Variants in SETX observed in about 807,000 individuals in gnomAD.
The protein encoded by SETX is senataxin.
A neutral mutation model predicts 227.2 loss-of-function variants in SETX; 90 were observed. The ratio of observed to expected loss-of-function variants is 0.40; its 90% CI spans 0.33 to 0.47. The LOEUF (loss-of-function observed/expected upper bound fraction) is 0.47. Among genes scored for constraint, SETX ranks in the 20% least tolerant of loss-of-function variants. The pLI is 0.91. For synonymous variants in SETX, 1,210 were observed against 1,113.2 expected (o/e 1.09, Z -1.73); for missense variants, 3,052 against 3,181.5 (o/e 0.96, Z 0.98).
At chr9:132,350,903 G>T (rs561458609) in intron 2 of SETX, among the ~76,000 whole-genome samples, 2 of 151,968 alleles carry the variant, frequency 1.3e-5, no homozygotes, top group African/African-American at 4.8e-5. Flanking sequence ...TCATCGACGT[G>T]GGGGGGAAAA....
At chr9:132,297,165 C>A in intron 13 of SETX, 111 bp from the exon 14 acceptor site, 1 of 904,328 alleles carries the variant, frequency 1.1e-6, no homozygotes. Flanking sequence ...GAGACAAAAG[C>A]TTTGGTTATG....
intron 23 of SETX, among the ~76,000 whole-genome samples, chr9:132,274,033 G>A (rs1843027998): frequency 1.3e-5 from 2 of 149,724 alleles, no homozygotes; most frequent in Non-Finnish European, 3.0e-5. Flanking sequence ...TGTATCTACT[G>A]AGCTGATTAT....
rs976544035 is a variant in SETX at position 132,269,565 on chromosome 9, A to G, written c.7287+50T>C. 1.9e-6 allele frequency: 3 copies of G among 1,611,460 alleles called. 1 individual carries two copies. The highest frequency in any genetic ancestry group is 1.7e-4 in the Middle Eastern group (1 of 6,052). On this transcript the variant is annotated intron_variant, in intron 25 of 25. Coordinates refer to ENST00000224140, the MANE Select transcript of SETX (RefSeq NM_015046.7). ...TGATGGAAAATAAGAACAAAAACTC[A>G]ATCCAACAACAGTAACAATGGGTAA...
intron 20 of SETX, among the ~76,000 whole-genome samples, chr9:132,279,794 T>A (rs1843394925): frequency 6.6e-6 from 1 of 152,148 alleles, no homozygotes; most frequent in Non-Finnish European, 1.5e-5. Flanking sequence ...AAAACCTTAG[T>A]CCATTCTACA....
rs373075043 is a variant in SETX at position 132,331,281 on chromosome 9, C to T, written c.1006G>A (p.Val336Ile). ...CCTGACATTAGCTGAACTAACCTTA[C>T]AGAGCTGTTCCGTATATGTCGGATC... ...REIRHIRNSS[V>I]RTKLEPESYL... Residue 336 changes from valine to isoleucine, a missense_variant, in exon 8 of 26, where the codon GTA becomes ATA. Coordinates refer to ENST00000224140, the MANE Select transcript of SETX (RefSeq NM_015046.7). 7 of 1,613,940 alleles carry T rather than the reference C, an allele frequency of 4.3e-6. No homozygotes were observed. The highest frequency in any genetic ancestry group is 5.1e-6 in the Non-Finnish European group (6 of 1,179,990).
At chr9:132,267,520 G>A (rs538043455) in intron 25 of SETX, among the ~76,000 whole-genome samples, 4 of 152,198 alleles carry the variant, frequency 2.6e-5, no homozygotes, top group Non-Finnish European at 5.9e-5. Flanking sequence ...AGGGGAACTA[G>A]GCTAAAAACT....
At chr9:132,303,932 C>A (rs1296125515) in intron 11 of SETX, among the ~76,000 whole-genome samples, 1 of 152,012 alleles carries the variant, frequency 6.6e-6, no homozygotes, top group Non-Finnish European at 1.5e-5. Context: ...GACCAGCCTG[C>A]CCAACATGGT....
At chr9:132,330,757 C>T (rs933620874) in intron 9 of SETX, among the ~76,000 whole-genome samples, 23 of 152,192 alleles carry the variant, frequency 1.5e-4, no homozygotes, top group African/African-American at 5.5e-4. Context: ...TATGTACTCT[C>T]ACCTTCTGTC....
intron 5 of SETX, among the ~76,000 whole-genome samples, chr9:132,340,426 C>T (rs933999389): frequency 6.6e-6 from 1 of 152,212 alleles, no homozygotes; most frequent in Non-Finnish European, 1.5e-5. Context: ...TTTGTGAATT[C>T]CTTTTCACTC....
intron 21 of SETX, 61 bp from the exon 22 acceptor site, chr9:132,277,213 G>A: frequency 6.8e-7 from 1 of 1,475,292 alleles, no homozygotes; most frequent in Admixed American, 1.8e-5. Context: ...AAAATATCTT[G>A]GTATTACTAC....
chr9:132,312,049 A>G (rs2131357352), intron 10 of SETX, among the ~76,000 whole-genome samples, 193 bp from the exon 11 acceptor site: 1 of 152,368 alleles, frequency 6.6e-6, no homozygotes, highest in Non-Finnish European at 1.5e-5. Flanking sequence ...CACTAGCTAC[A>G]TCTGGTTATT....
In SETX at chr9:132,347,323, A is replaced by T. The variant is rs527646937; in HGVS notation, c.178-852T>A. 6.3e-3 allele frequency among the ~76,000 whole-genome samples: 950 copies of T among 150,732 alleles called. 18 individuals carry two copies. The highest frequency in any genetic ancestry group is 0.021 in the African/African-American group (883 of 41,108). ...AGTATGCTATGTTTAAACACTTTTT[A>T]TTTTTTTTTGAGACAGAATCTCGCT... On this transcript the variant is annotated intron_variant, in intron 3 of 25. Coordinates refer to ENST00000224140, the MANE Select transcript of SETX (RefSeq NM_015046.7).
At chr9:132,331,221 T>G in intron 8 of SETX, 56 bp downstream of exon 8, 1 of 1,610,002 alleles carries the variant, frequency 6.2e-7, no homozygotes, top group South Asian at 1.1e-5. Flanking sequence ...GTAATCTAGC[T>G]GGAACACACT....
intron 5 of SETX, among the ~76,000 whole-genome samples, chr9:132,338,642 G>C (rs1429699445): frequency 1.3e-5 from 2 of 152,190 alleles, no homozygotes; most frequent in Non-Finnish European, 2.9e-5. Context: ...TCATTAAATA[G>C]AAAACATTCC....
At chr9:132,336,659 C>A (rs968988584) in intron 5 of SETX, 144 bp from the exon 6 acceptor site, 2 of 701,274 alleles carry the variant, frequency 2.9e-6, no homozygotes, top group African/African-American at 1.8e-5. Flanking sequence ...CTTATTTGAT[C>A]CTGATTTGAA....
In SETX at chr9:132,263,729, C is replaced by CA. The variant is rs1288492632; in HGVS notation, c.*509dup. 2 of 159,324 alleles carry CA rather than the reference C, an allele frequency of 1.3e-5. No individual in the cohort carries two copies. Among genetic ancestry groups the CA allele is most frequent in the African/African-American group, 4.8e-5 (2 of 41,336 alleles). The allele number at this position is 159,324 out of a possible 1,614,324, so 9.9% of individuals were successfully genotyped here. Reference sequence around the variant, plus strand: ...GACACCTGACCCACCAGCACTAACTCAGCTTATTCCAAGCTAGGCTGTTAA... The same window carrying CA: ...GACACCTGACCCACCAGCACTAACTCAAGCTTATTCCAAGCTAGGCTGTTAA... On this transcript the variant is annotated 3_prime_UTR_variant, in exon 26 of 26. Coordinates refer to ENST00000224140, the MANE Select transcript of SETX (RefSeq NM_015046.7).
chr9:132,296,147 T>A (rs979354533), intron 14 of SETX, 119 bp from the exon 15 acceptor site: 53 of 1,286,456 alleles, frequency 4.1e-5, no homozygotes, highest in East Asian at 3.3e-4. Flanking sequence ...CGTAATAAAG[T>A]TAAAAATAAA....
At chr9:132,325,349 C>T (rs1846662895) in intron 10 of SETX, among the ~76,000 whole-genome samples, 2 of 150,856 alleles carry the variant, frequency 1.3e-5, no homozygotes, top group South Asian at 4.2e-4. Flanking sequence ...GAGCGAGACT[C>T]GTCTCAAAAA....
chr9:132,317,758 T>C (rs1846072572), intron 10 of SETX, among the ~76,000 whole-genome samples: 1 of 152,160 alleles, frequency 6.6e-6, no homozygotes, highest in Non-Finnish European at 1.5e-5. Flanking sequence ...CCACTGTACC[T>C]GGCCATCTTT....
Sources: gnomAD v4.1 joint callset for allele counts (sites outside exome capture counted in the v4.1 genomes callset) on GRCh38, gnomAD v4.1.1 for gene constraint, MANE v1.5 for transcripts, NCBI Gene and HGNC (gene_info 2026-07-23, HGNC 2026-07-21) for gene names.